PDE1C: variants seen among roughly 807,000 people sequenced by gnomAD.
PDE1C encodes dual specificity calcium/calmodulin-dependent 3',5'-cyclic nucleotide phosphodiesterase 1C.
Under a neutral mutation model 93.1 loss-of-function variants are expected in PDE1C, and 62 were observed. The observed-to-expected ratio is 0.67, with a 90% CI of 0.54 to 0.82. The LOEUF is 0.82. Ranked by LOEUF, PDE1C falls within the 40% of genes least tolerant of loss-of-function variation. PDE1C has a pLI of 0.00. For synonymous variants in PDE1C, 325 were observed against 310.1 expected (o/e 1.05, Z -0.50); for missense variants, 742 against 884.6 (o/e 0.84, Z 2.04).
chr7:31,792,278 A>C lies in PDE1C; in HGVS notation c.1892-16546T>G, dbSNP rs115482720. Among the ~76,000 whole-genome samples, 463 of 152,246 alleles carry C rather than the reference A, an allele frequency of 3.0e-3. 6 individuals are homozygous for C. Among genetic ancestry groups the C allele is most frequent in the African/African-American group, 0.011 (440 of 41,572 alleles). Reference sequence around the variant, plus strand: ...TGCTGACTCTTTGAGAACAGGGAAAACACCTCATTTATCGTTTATAACACT... The same window carrying C: ...TGCTGACTCTTTGAGAACAGGGAAACCACCTCATTTATCGTTTATAACACT... On this transcript the variant is annotated intron_variant, in intron 16 of 17. Coordinates refer to ENST00000396191, the MANE Select transcript of PDE1C (RefSeq NM_001191057.4).
intron 2 of PDE1C, among the ~76,000 whole-genome samples, chr7:31,932,978 C>T (rs1804527260): frequency 6.6e-6 from 1 of 152,084 alleles, no homozygotes; most frequent in African/African-American, 2.4e-5. Context: ...GAAAACCAAA[C>T]ACCACATGTT....
chr7:32,378,213 G>A (rs1784467322), intron 1 of PDE1C, among the ~76,000 whole-genome samples: 1 of 152,058 alleles, frequency 6.6e-6, no homozygotes, highest in South Asian at 2.1e-4. Context: ...GCAGAGATCT[G>A]ACCACTCTTC....
At position 31,752,256 on chromosome 7, in the gene PDE1C, C is replaced by G. The variant is rs1794177072; in HGVS notation, c.*1128G>C. 6.6e-6 allele frequency: 1 copy of G among 152,104 alleles called. No homozygotes were observed. The highest frequency in any genetic ancestry group is 2.4e-5 in the African/African-American group (1 of 41,440). The allele number at this position is 152,104 out of a possible 1,614,324, so 9.4% of individuals were successfully genotyped here. A position where few individuals can be genotyped will look rare whatever the true frequency, so the allele number is the denominator to read the frequency against. On this transcript the variant is annotated 3_prime_UTR_variant, in exon 18 of 18. Coordinates refer to ENST00000396191, the MANE Select transcript of PDE1C (RefSeq NM_001191057.4). ...AGCTATCTCTAGTCTTGAGCCTTTC[C>G]TTGCTACTTCTGTGATTTTAGTCCT...
the PDE1C span, among the ~76,000 whole-genome samples, chr7:31,697,661 A>G: frequency 6.6e-6 from 1 of 152,194 alleles, no homozygotes; most frequent in African/African-American, 2.4e-5. Flanking sequence ...AAGTTGGGGA[A>G]TAAGACACGT....
At chr7:31,661,341 G>A in the PDE1C span, among the ~76,000 whole-genome samples, 11 of 152,276 alleles carry the variant, frequency 7.2e-5, no homozygotes, top group South Asian at 4.1e-4. Flanking sequence ...GCTATTGACT[G>A]CTACCTTCTG....
intron 1 of PDE1C, among the ~76,000 whole-genome samples, chr7:32,380,659 C>A (rs1346481368): frequency 6.6e-6 from 1 of 151,992 alleles, no homozygotes; most frequent in Non-Finnish European, 1.5e-5. Context: ...AAGTCTCAAT[C>A]CTCACCTCAT....
intron 3 of PDE1C, among the ~76,000 whole-genome samples, chr7:32,120,567 T>A (rs570910219): frequency 5.9e-5 from 9 of 152,190 alleles, no homozygotes; most frequent in Admixed American, 5.2e-4. Flanking sequence ...TTGAGTGATA[T>A]CTCCAGGCAC....
At chr7:32,265,319 T>G (rs1253759141) in intron 1 of PDE1C, among the ~76,000 whole-genome samples, 12 of 152,196 alleles carry the variant, frequency 7.9e-5, no homozygotes, top group Admixed American at 5.9e-4. Flanking sequence ...GATTTAAACC[T>G]GGCCAATGCA....
At chr7:31,817,894 GTC>G (rs34199023) in intron 14 of PDE1C, among the ~76,000 whole-genome samples, 1 of 152,156 alleles carries the variant, frequency 6.6e-6, no homozygotes, top group Admixed American at 6.5e-5. Flanking sequence ...ATCTTGTTTA[GTC>G]TACTTCTCCT....
In PDE1C at chr7:31,880,874, A is replaced by G. The variant is rs972286389; in HGVS notation, c.129-14T>C. 4 of 1,448,648 alleles carry G rather than the reference A, an allele frequency of 2.8e-6. No homozygotes were observed. Among genetic ancestry groups the G allele is most frequent in the Admixed American group, 3.4e-5 (2 of 59,382 alleles). 89.7% of individuals were successfully genotyped at this position (1,448,648 alleles called of 1,614,324 possible). On this transcript the variant is annotated splice_polypyrimidine_tract_variant and intron_variant, in intron 2 of 17. Coordinates refer to ENST00000396191, the MANE Select transcript of PDE1C (RefSeq NM_001191057.4). ...AAAGACCGTAATCTAGAAAAATAAA[A>G]AGACATAATTTCATTAGAATAGAGG...
chr7:32,194,880 T>C (rs1392706454), intron 2 of PDE1C, among the ~76,000 whole-genome samples: 4 of 152,206 alleles, frequency 2.6e-5, no homozygotes, highest in Non-Finnish European at 5.9e-5. Flanking sequence ...TGTGGCTTAC[T>C]TGAACCTTTT....
Position 31,886,769 on chromosome 7 carries a change from C to CGGATCTTTTCAGAAT in PDE1C, c.129-5910_129-5909insATTCTGAAAAGATCC, listed in dbSNP as rs1554395339. Among the ~76,000 whole-genome samples the CGGATCTTTTCAGAAT allele has an allele frequency of 1.4e-3, 10 of 6,940 alleles. 1 individual carries two copies. The highest frequency in any genetic ancestry group is 3.0e-4 in the Non-Finnish European group (1 of 3,282). 4.6% of individuals were successfully genotyped at this position (6,940 alleles called of 152,430 possible). A position where few individuals can be genotyped will look rare whatever the true frequency, so the allele number is the denominator to read the frequency against. ...AGCAGACTGAAGGCAGTGATCTATT[C>CGGATCTTTTCAGAAT]AGATCTATTCAGAATAGATCTTTTC... is the stretch of plus-strand genomic sequence containing the variant. On this transcript the variant is annotated intron_variant, in intron 2 of 17. Transcript: ENST00000396191.
chr7:32,018,791 T>C (rs1788256488), intron 2 of PDE1C, among the ~76,000 whole-genome samples: 1 of 152,172 alleles, frequency 6.6e-6, no homozygotes, highest in Admixed American at 6.5e-5. Flanking sequence ...CACTGAACTG[T>C]ATGCTTTAAA....
chr7:32,136,860 C>T (rs1055899998), intron 3 of PDE1C, among the ~76,000 whole-genome samples: 1 of 152,188 alleles, frequency 6.6e-6, no homozygotes, highest in Non-Finnish European at 1.5e-5. Context: ...AAATTATCTT[C>T]ATCTGAAAAG....
intron 1 of PDE1C, among the ~76,000 whole-genome samples, chr7:32,413,839 A>G (rs543585744): frequency 3.9e-5 from 6 of 152,336 alleles, no homozygotes; most frequent in African/African-American, 1.2e-4. Context: ...CATTATAACT[A>G]TGTCTCAGAA....
intron 16 of PDE1C, among the ~76,000 whole-genome samples, chr7:31,777,165 A>T (rs1783050008): frequency 6.6e-6 from 1 of 152,020 alleles, no homozygotes; most frequent in African/African-American, 2.4e-5. Context: ...AGAAACAATT[A>T]GTATTAAAAA....
intron 2 of PDE1C, among the ~76,000 whole-genome samples, chr7:32,011,351 C>T (rs909211093): frequency 6.6e-6 from 1 of 152,024 alleles, no homozygotes; most frequent in Admixed American, 6.6e-5. Context: ...CACCACTATG[C>T]CTGGCTAATT....
chr7:31,734,547 T>A, the PDE1C span, among the ~76,000 whole-genome samples: 1 of 152,338 alleles, frequency 6.6e-6, no homozygotes, highest in East Asian at 1.9e-4. Context: ...TCAGACTCCA[T>A]GTGAACTAGT....
chr7:31,936,426 G>T (rs2128990997), intron 2 of PDE1C, among the ~76,000 whole-genome samples: 1 of 145,532 alleles, frequency 6.9e-6, no homozygotes, highest in Middle Eastern at 3.5e-3. Context: ...ATTCCTTCCA[G>T]GGAGAAGAAA....
Sources: allele counts gnomAD v4.1 joint callset (sites outside exome capture counted in the v4.1 genomes callset), GRCh38; gene constraint gnomAD v4.1.1; transcripts MANE v1.5; gene names NCBI Gene and HGNC (gene_info 2026-07-23, HGNC 2026-07-21).